TRPM3: variants seen among roughly 807,000 people sequenced by gnomAD.
TRPM3 encodes long transient receptor potential channel 3.
A neutral mutation model predicts 181.2 loss-of-function variants in TRPM3; 77 were observed. That is an observed-to-expected ratio of 0.42 (90% CI 0.35 to 0.51). The LOEUF (loss-of-function observed/expected upper bound fraction) is 0.51. TRPM3 is among the 20% of genes least tolerant of loss of function. The probability of loss-of-function intolerance (pLI) is 0.01; values close to 1 mark genes in which losing one functional copy is unlikely to be tolerated. For synonymous variants in TRPM3, 745 were observed against 796.4 expected (o/e 0.94, Z 1.09); for missense variants, 1,759 against 2,196.7 (o/e 0.80, Z 3.98).
intron 1 of TRPM3, among the ~76,000 whole-genome samples, chr9:70,953,148 T>C (rs559445937): frequency 6.6e-6 from 1 of 152,356 alleles, no homozygotes; most frequent in South Asian, 2.1e-4. Context: ...GTCTGTGACA[T>C]ATCTCAAATC....
At chr9:70,769,569 A>AAGTTTAC (rs2079818380) in intron 7 of TRPM3, among the ~76,000 whole-genome samples, 1 of 152,102 alleles carries the variant, frequency 6.6e-6, no homozygotes, top group Admixed American at 6.6e-5. Flanking sequence ...ATCATCCCAC[A>AAGTTTAC]ATGTAAACAT....
chr9:70,956,852 C>T (rs1458709294), intron 1 of TRPM3, among the ~76,000 whole-genome samples: 2 of 151,804 alleles, frequency 1.3e-5, no homozygotes, highest in African/African-American at 4.8e-5. Flanking sequence ...CACCAATGCA[C>T]TCCAGCCTGG....
intron 1 of TRPM3, among the ~76,000 whole-genome samples, chr9:71,365,107 C>G (rs17534808): frequency 0.21 from 32,132 of 152,118 alleles, 3,889 homozygotes; most frequent in Middle Eastern, 0.32. Flanking sequence ...TTAAGCGCAG[C>G]AAAGCCAATT....
intron 1 of TRPM3, among the ~76,000 whole-genome samples, chr9:71,134,000 T>C (rs868547267): frequency 8.9e-4 from 95 of 106,298 alleles, no homozygotes; most frequent in African/African-American, 1.4e-3. Flanking sequence ...TGTGTGTGTG[T>C]GTGTGTGTGT....
At chr9:70,980,151 T>C (rs927116268) in intron 1 of TRPM3, among the ~76,000 whole-genome samples, 4 of 151,264 alleles carry the variant, frequency 2.6e-5, no homozygotes, top group East Asian at 2.0e-4. Context: ...TTATGAAATA[T>C]TTACATTGAG....
chr9:71,124,954 A>G (rs1443922656), upstream of TRPM3, among the ~76,000 whole-genome samples: 3 of 152,214 alleles, frequency 2.0e-5, no homozygotes, highest in African/African-American at 7.2e-5. Context: ...TTACAACATT[A>G]AAATTCATAG....
At chr9:70,738,242 G>T (rs982810850) in intron 8 of TRPM3, among the ~76,000 whole-genome samples, 1 of 152,086 alleles carries the variant, frequency 6.6e-6, no homozygotes, top group African/African-American at 2.4e-5. Flanking sequence ...GCATGTACAT[G>T]GAAATTAAAT....
intron 1 of TRPM3, chr9:70,917,172 G>A (rs564619844): frequency 2.4e-4 from 387 of 1,605,642 alleles, no homozygotes; most frequent in Non-Finnish European, 2.9e-4. Flanking sequence ...AGTTCTAGGA[G>A]GAGTTTCTGC....
At chr9:70,573,972 TCACACACACACACACACACACA>T (rs59193514) in intron 22 of TRPM3, among the ~76,000 whole-genome samples, 4 of 140,938 alleles carry the variant, frequency 2.8e-5, no homozygotes, top group Non-Finnish European at 6.1e-5. Context: ...GCAATTCATT[TCACACACACACACACACACACA>T]CACACACACA....
In TRPM3 at chr9:70,535,411, GA is replaced by G; in HGVS notation, c.*541del. 6.4e-7 allele frequency: 1 copy of G among 1,550,480 alleles called. No individual in the cohort carries two copies. Among genetic ancestry groups the G allele is most frequent in the African/African-American group, 1.4e-5 (1 of 73,174 alleles). On this transcript the variant is annotated 3_prime_UTR_variant, in exon 26 of 26. Coordinates refer to ENST00000677713, the MANE Select transcript of TRPM3 (RefSeq NM_001366145.2). Reference sequence around the variant, plus strand: ...TGAGAAGGATGTGGGACGTTAGGTAGAACTGCTTGCTGCCGGCTTATACTGA... The same window carrying G: ...TGAGAAGGATGTGGGACGTTAGGTAGACTGCTTGCTGCCGGCTTATACTGA...
chr9:70,933,003 G>T (rs1295655295), intron 1 of TRPM3, among the ~76,000 whole-genome samples: 32 of 152,134 alleles, frequency 2.1e-4, no homozygotes, highest in Admixed American at 2.1e-3. Context: ...ATTTGATGAT[G>T]TGTTGATGTA....
intron 1 of TRPM3, among the ~76,000 whole-genome samples, chr9:71,176,787 T>C (rs994511714): frequency 6.6e-6 from 1 of 152,154 alleles, no homozygotes; most frequent in Non-Finnish European, 1.5e-5. Context: ...CTGTGTATTT[T>C]CCATGTTTAA....
chr9:70,771,392 T>C (rs1232237690), intron 7 of TRPM3, among the ~76,000 whole-genome samples: 1 of 152,140 alleles, frequency 6.6e-6, no homozygotes, highest in East Asian at 1.9e-4. Context: ...ATCAGGCTTC[T>C]CTTGTTTGTT....
chr9:70,571,443 A>G (rs545644429), intron 22 of TRPM3, among the ~76,000 whole-genome samples: 2 of 152,282 alleles, frequency 1.3e-5, no homozygotes, highest in African/African-American at 4.8e-5. Flanking sequence ...TTGGAGGCTC[A>G]GAGTCCAGGT....
intron 1 of TRPM3, among the ~76,000 whole-genome samples, chr9:70,923,557 A>G (rs2096681480): frequency 1.3e-5 from 2 of 152,282 alleles, no homozygotes; most frequent in Non-Finnish European, 2.9e-5. Flanking sequence ...GATATAAAGT[A>G]ATGCCATTAA....
chr9:70,897,733 C>T (rs2096300141), intron 1 of TRPM3, among the ~76,000 whole-genome samples: 2 of 152,076 alleles, frequency 1.3e-5, no homozygotes, highest in Admixed American at 1.3e-4. Flanking sequence ...ATTAAAGAAA[C>T]AATGGCTTCT....
At chr9:71,425,792 C>A (rs2093852491) in intron 1 of TRPM3, among the ~76,000 whole-genome samples, 1 of 152,190 alleles carries the variant, frequency 6.6e-6, no homozygotes, top group Non-Finnish European at 1.5e-5. Context: ...ACTATACAAT[C>A]TGGCCCCATG....
intron 21 of TRPM3, among the ~76,000 whole-genome samples, chr9:70,593,367 C>A (rs1212660616): frequency 6.6e-6 from 1 of 152,074 alleles, no homozygotes; most frequent in African/African-American, 2.4e-5. Flanking sequence ...ATTCTTTCAT[C>A]ATTTATTTAC....
intron 1 of TRPM3, among the ~76,000 whole-genome samples, chr9:71,415,178 T>C (rs571172791): frequency 1.3e-5 from 2 of 152,150 alleles, no homozygotes; most frequent in African/African-American, 4.8e-5. Context: ...AGAATGCTGA[T>C]AGCCCAAGAG....
Sources: gnomAD v4.1 joint callset for allele counts (sites outside exome capture counted in the v4.1 genomes callset) on GRCh38, gnomAD v4.1.1 for gene constraint, MANE v1.5 for transcripts, NCBI Gene and HGNC (gene_info 2026-07-23, HGNC 2026-07-21) for gene names.